The following NELL1 variants were observed in gnomAD, a reference collection of about 807,000 sequenced individuals.
NELL1 encodes neural EGFL like 1.
A neutral mutation model predicts 107.4 loss-of-function variants in NELL1; 76 were observed. The ratio of observed to expected loss-of-function variants is 0.71; its 90% CI spans 0.59 to 0.86. The LOEUF is 0.86. Among genes scored for constraint, NELL1 ranks in the 40% least tolerant of loss-of-function variants. The probability of loss-of-function intolerance (pLI) is 0.00; values close to 1 mark genes in which losing one functional copy is unlikely to be tolerated. For missense variants in NELL1, 1,024 were observed against 1,005.5 expected, an observed-to-expected ratio of 1.02 and a Z score of -0.25; for synonymous variants, 353 against 341.2, an observed-to-expected ratio of 1.03 and a Z score of -0.38.
chr11:21,064,129 G>T (rs1240376104), intron 12 of NELL1, among the ~76,000 whole-genome samples: 3 of 152,134 alleles, frequency 2.0e-5, no homozygotes, highest in Non-Finnish European at 4.4e-5. Flanking sequence ...CAGCTAGAAG[G>T]CCCTTGTAAC....
At chr11:21,099,259 G>A (rs1854743350) in intron 12 of NELL1, among the ~76,000 whole-genome samples, 1 of 148,688 alleles carries the variant, frequency 6.7e-6, no homozygotes, top group Non-Finnish European at 1.5e-5. Context: ...ACACGGATCA[G>A]CTGTCATCCC....
chr11:21,373,161 G>T (rs536687119), intron 15 of NELL1, among the ~76,000 whole-genome samples: 4 of 152,024 alleles, frequency 2.6e-5, no homozygotes, highest in African/African-American at 9.6e-5. Flanking sequence ...CTTAATATTG[G>T]CCAATACTCA....
In NELL1 at chr11:20,714,448, C is replaced by A. The variant is rs186296350; in HGVS notation, c.184+36388C>A. 2.9e-3 allele frequency among the ~76,000 whole-genome samples: 438 copies of A among 151,918 alleles called. 3 individuals carry two copies. The highest frequency in any genetic ancestry group is 0.01 in the African/African-American group (423 of 41,454). On this transcript the variant is annotated intron_variant, in intron 2 of 19. Transcript: ENST00000357134. ...GTCTCAAACTCCTGACCTCAGGTGA[C>A]CTGCCCGCCTCAGCCTCCCTAAGTG...
intron 15 of NELL1, among the ~76,000 whole-genome samples, chr11:21,444,374 T>C (rs1483110485): frequency 6.6e-6 from 1 of 152,168 alleles, no homozygotes; most frequent in East Asian, 1.9e-4. Context: ...AAATTATTTC[T>C]TGATATGCAC....
intron 13 of NELL1, among the ~76,000 whole-genome samples, chr11:21,131,140 A>G (rs1855606611): frequency 6.6e-6 from 1 of 152,150 alleles, no homozygotes; most frequent in Admixed American, 6.6e-5. Context: ...ATGTGCATGC[A>G]CACCTAACAA....
intron 12 of NELL1, among the ~76,000 whole-genome samples, chr11:20,971,602 C>G (rs115951692): frequency 1.3e-5 from 2 of 152,252 alleles, no homozygotes; most frequent in African/African-American, 2.4e-5. Flanking sequence ...CCTGGCGAAG[C>G]TTGCCTGGGT....
intron 16 of NELL1, among the ~76,000 whole-genome samples, chr11:21,555,312 A>G (rs1856679897): frequency 6.6e-6 from 1 of 151,910 alleles, no homozygotes; most frequent in Admixed American, 6.6e-5. Context: ...TTGTTATAAT[A>G]CTTTTTAAGC....
chr11:20,934,423 G>C (rs973098210), intron 9 of NELL1, among the ~76,000 whole-genome samples: 1 of 152,210 alleles, frequency 6.6e-6, no homozygotes, highest in South Asian at 2.1e-4. Context: ...ATTTTTATAA[G>C]AGACTGGTGG....
chr11:20,822,942 G>A (rs1000356482), intron 3 of NELL1, among the ~76,000 whole-genome samples: 1 of 152,206 alleles, frequency 6.6e-6, no homozygotes, highest in Non-Finnish European at 1.5e-5. Context: ...GCAGTGGGGA[G>A]CATGAGCTCT....
At chr11:21,500,010 G>A (rs1396947493) in intron 15 of NELL1, among the ~76,000 whole-genome samples, 2 of 152,068 alleles carry the variant, frequency 1.3e-5, no homozygotes, top group Non-Finnish European at 2.9e-5. Context: ...GGATTGGAGT[G>A]GAAAGAGGCA....
At chr11:21,148,661 C>A (rs962084281) in intron 13 of NELL1, among the ~76,000 whole-genome samples, 2 of 152,064 alleles carry the variant, frequency 1.3e-5, no homozygotes, top group African/African-American at 4.8e-5. Context: ...AAACAACCCC[C>A]CTGCACACCT....
chr11:21,282,058 C>T (rs1223277469), intron 14 of NELL1, among the ~76,000 whole-genome samples: 3 of 152,040 alleles, frequency 2.0e-5, no homozygotes, highest in African/African-American at 7.2e-5. Context: ...AAGTGAAAGA[C>T]AACCTACAGA....
At chr11:21,233,142 C>T (rs558003512) in intron 14 of NELL1, among the ~76,000 whole-genome samples, 1 of 152,222 alleles carries the variant, frequency 6.6e-6, no homozygotes, top group Middle Eastern at 3.4e-3. Flanking sequence ...CCGTGGTGGT[C>T]GATGCCCATG....
At chr11:20,713,914 T>A (rs189235097) in intron 2 of NELL1, among the ~76,000 whole-genome samples, 1 of 152,318 alleles carries the variant, frequency 6.6e-6, no homozygotes, top group African/African-American at 2.4e-5. Context: ...TAAGTTTAAA[T>A]CTTTCTCCTG....
At chr11:20,759,314 T>C (rs149077104) in intron 2 of NELL1, among the ~76,000 whole-genome samples, 2 of 152,332 alleles carry the variant, frequency 1.3e-5, no homozygotes, top group East Asian at 3.9e-4. Context: ...AGGGCTGACC[T>C]GGAGTCTCAG....
intron 12 of NELL1, among the ~76,000 whole-genome samples, chr11:20,973,409 C>G (rs1396174074): frequency 1.3e-5 from 2 of 152,144 alleles, no homozygotes; most frequent in Non-Finnish European, 2.9e-5. Context: ...CGTCCAGCCT[C>G]TTCGTTACTT....
chr11:21,333,127 G>A (rs1031662236), intron 14 of NELL1, among the ~76,000 whole-genome samples: 4 of 151,992 alleles, frequency 2.6e-5, no homozygotes, highest in Non-Finnish European at 4.4e-5. Context: ...ATAATACTGT[G>A]TGCTTCCTTT....
intron 12 of NELL1, among the ~76,000 whole-genome samples, chr11:21,066,380 G>C (rs937824720): frequency 6.6e-6 from 1 of 152,156 alleles, no homozygotes; most frequent in South Asian, 2.1e-4. Context: ...AGTGGAGTTG[G>C]TAGCAGGATG....
chr11:21,304,130 T>G (rs1375933300), intron 14 of NELL1, among the ~76,000 whole-genome samples: 1 of 152,060 alleles, frequency 6.6e-6, no homozygotes, highest in Non-Finnish European at 1.5e-5. Flanking sequence ...TCATTTAATT[T>G]TAATTTCTAA....
Sources: gnomAD v4.1 joint callset for allele counts (sites outside exome capture counted in the v4.1 genomes callset) on GRCh38, gnomAD v4.1.1 for gene constraint, MANE v1.5 for transcripts, NCBI Gene and HGNC (gene_info 2026-07-23, HGNC 2026-07-21) for gene names.